The following TESK2 variants were observed in gnomAD, a reference collection of about 807,000 sequenced individuals.
The protein encoded by TESK2 is testis associated actin remodelling kinase 2, also known as dual specificity testis-specific protein kinase 2.
In TESK2, 39 loss-of-function variants were observed where a neutral mutation model predicts 57.1. That is an observed-to-expected ratio of 0.68 (90% CI 0.53 to 0.89). The LOEUF is 0.89. TESK2 is among the 40% of genes least tolerant of loss of function. The pLI is 0.00. For missense variants in TESK2, 646 were observed against 732.1 expected (o/e 0.88, Z 1.36); for synonymous variants, 249 against 267.9 (o/e 0.93, Z 0.69).
At chr1:45,348,088 A>C in intron 5 of TESK2, 88 bp from the exon 6 acceptor site, 1 of 887,502 alleles carries the variant, frequency 1.1e-6, no homozygotes, top group Non-Finnish European at 1.9e-6. Context: ...CCTTCCTATC[A>C]CAGGGCACCT....
At chr1:45,437,962 T>C (rs1651299420) in intron 2 of TESK2, among the ~76,000 whole-genome samples, 2 of 152,126 alleles carry the variant, frequency 1.3e-5, no homozygotes, top group South Asian at 4.1e-4. Flanking sequence ...TTTGGGAGCA[T>C]TTAATTTTTG....
At chr1:45,485,176 CT>C (rs1557592211) in intron 1 of TESK2, among the ~76,000 whole-genome samples, 1 of 150,478 alleles carries the variant, frequency 6.6e-6, no homozygotes, top group African/African-American at 2.4e-5. Context: ...AGATTTTTCA[CT>C]GTTTTGTTTT....
intron 2 of TESK2, among the ~76,000 whole-genome samples, chr1:45,443,556 C>A (rs960634302): frequency 9.6e-6 from 1 of 104,292 alleles, no homozygotes; most frequent in Non-Finnish European, 1.7e-5. Flanking sequence ...GGTGGCAGAG[C>A]GAGATCCATC....
chr1:45,462,210 G>A lies in TESK2; in HGVS notation c.-86-4339C>T, dbSNP rs189522193. 2.1e-3 allele frequency among the ~76,000 whole-genome samples: 314 copies of A among 151,972 alleles called. 1 individual carries two copies. The highest frequency in any genetic ancestry group is 6.8e-3 in the Middle Eastern group (2 of 292). On this transcript the variant is annotated intron_variant, in intron 1 of 10. Transcript: ENST00000372086. ...ATGCAAAGTTTGTCCTTCTGTGCCT[G>A]ACTTATTTCACTTAACATGATGTCC... is the stretch of plus-strand genomic sequence containing the variant.
intron 4 of TESK2, among the ~76,000 whole-genome samples, chr1:45,367,780 C>A (rs1647994461): frequency 6.7e-6 from 1 of 150,120 alleles, no homozygotes; most frequent in East Asian, 2.0e-4. Flanking sequence ...GCCTCAGCCT[C>A]CCGAGTAGCT....
chr1:45,428,555 T>G (rs891058433), intron 2 of TESK2, among the ~76,000 whole-genome samples: 1 of 152,120 alleles, frequency 6.6e-6, no homozygotes, highest in East Asian at 1.9e-4. Context: ...CATGTTTGAA[T>G]GCAGTGGCAT....
At chr1:45,461,137 A>G (rs1383764108) in intron 1 of TESK2, among the ~76,000 whole-genome samples, 1 of 149,878 alleles carries the variant, frequency 6.7e-6, no homozygotes, top group Admixed American at 6.7e-5. Context: ...CTAAGATTAC[A>G]GGTGTGAACT....
At chr1:45,489,715 GGGA>G (rs1653639049) in intron 1 of TESK2, among the ~76,000 whole-genome samples, 1 of 152,126 alleles carries the variant, frequency 6.6e-6, no homozygotes, top group Admixed American at 6.5e-5. Context: ...GCTTGTACCT[GGGA>G]GGAGGAGGTG....
In TESK2 at chr1:45,371,209, G is replaced by C. The variant is rs183010178; in HGVS notation, c.393+14703C>G. Among the ~76,000 whole-genome samples the C allele has an allele frequency of 1.5e-4, 23 of 152,198 alleles. No individual in the cohort carries two copies. In the East Asian group the frequency reaches 4.2e-3, roughly 28 times the overall value. The stretch of plus-strand genomic sequence containing the variant: ...AAAAAATATGGCAGTTCCTCAAAAA[G>C]TTAAAAATAGAACTACTATATGGTC... On this transcript the variant is annotated intron_variant, in intron 4 of 10. Coordinates refer to ENST00000372086, the MANE Select transcript of TESK2 (RefSeq NM_007170.3).
At chr1:45,463,408 G>T (rs963872649) in intron 1 of TESK2, among the ~76,000 whole-genome samples, 2 of 152,116 alleles carry the variant, frequency 1.3e-5, no homozygotes, top group South Asian at 2.1e-4. Context: ...TCAGATTTTT[G>T]ATTAGGTTTT....
intron 4 of TESK2, among the ~76,000 whole-genome samples, chr1:45,367,881 A>C (rs2149269046): frequency 6.7e-6 from 1 of 148,980 alleles, no homozygotes; most frequent in African/African-American, 2.5e-5. Context: ...CTGGTCTCGA[A>C]CTCCTGACCT....
intron 3 of TESK2, among the ~76,000 whole-genome samples, chr1:45,389,010 G>A (rs1002744057): frequency 1.3e-5 from 2 of 151,956 alleles, no homozygotes; most frequent in South Asian, 2.1e-4. Flanking sequence ...GTGAGCCACC[G>A]CGCCCGGCCG....
intron 1 of TESK2, among the ~76,000 whole-genome samples, chr1:45,470,293 C>T (rs2149304080): frequency 6.6e-6 from 1 of 152,304 alleles, no homozygotes; most frequent in East Asian, 1.9e-4. Flanking sequence ...CAATACCAAA[C>T]ACATGGCAAA....
intron 1 of TESK2, among the ~76,000 whole-genome samples, chr1:45,465,857 G>A (rs900653032): frequency 1.3e-5 from 2 of 152,062 alleles, no homozygotes; most frequent in East Asian, 1.9e-4. Flanking sequence ...GCACTTAGAT[G>A]AACAAATTAT....
At chr1:45,374,737 T>A (rs969175996) in intron 4 of TESK2, among the ~76,000 whole-genome samples, 1 of 152,164 alleles carries the variant, frequency 6.6e-6, no homozygotes, top group African/African-American at 2.4e-5. Context: ...TATGAAGATA[T>A]CTCAACTCGA....
intron 4 of TESK2, among the ~76,000 whole-genome samples, chr1:45,371,414 T>C (rs1310215329): frequency 6.6e-6 from 1 of 152,154 alleles, no homozygotes; most frequent in African/African-American, 2.4e-5. Flanking sequence ...AATAAAATAT[T>C]TATGCAGCCA....
At chr1:45,457,370 A>G (rs1236822840) in intron 2 of TESK2, among the ~76,000 whole-genome samples, 194 bp downstream of exon 2, 1 of 152,158 alleles carries the variant, frequency 6.6e-6, no homozygotes, top group East Asian at 1.9e-4. Flanking sequence ...TTTAACCAGC[A>G]TATTATTTTT....
At chr1:45,413,774 G>A (rs1650128752) in intron 3 of TESK2, 4 of 453,796 alleles carry the variant, frequency 8.8e-6, no homozygotes, top group South Asian at 1.6e-5. Flanking sequence ...CACCTGAGAA[G>A]GCACATCTGT....
intron 3 of TESK2, chr1:45,398,983 G>GGAA: frequency 4.3e-6 from 1 of 234,526 alleles, no homozygotes; most frequent in South Asian, 3.1e-5. Context: ...ACTAGGACCT[G>GGAA]AAAAAAAAAA....
Sources: allele counts gnomAD v4.1 joint callset (sites outside exome capture counted in the v4.1 genomes callset), GRCh38; gene constraint gnomAD v4.1.1; transcripts MANE v1.5; gene names NCBI Gene and HGNC (gene_info 2026-07-23, HGNC 2026-07-21).